The following EXOSC5 variants were observed in gnomAD, a reference collection of about 807,000 sequenced individuals.
EXOSC5 encodes the protein exosome component 5.
Under a neutral mutation model 23.7 loss-of-function variants are expected in EXOSC5, and 15 were observed. The observed-to-expected ratio is 0.63, with a 90% CI of 0.42 to 0.97. The LOEUF (loss-of-function observed/expected upper bound fraction) is 0.97, where lower values mean the gene tolerates loss of function less well. Among genes scored for constraint, EXOSC5 ranks in the 50% least tolerant of loss-of-function variants. The pLI, the probability that EXOSC5 is intolerant of heterozygous loss-of-function variation, is 0.00. For synonymous variants in EXOSC5, 143 were observed against 140.9 expected (o/e 1.02, Z -0.11); for missense variants, 305 against 316.3 (o/e 0.96, Z 0.27).
intron 1 of EXOSC5, among the ~76,000 whole-genome samples, chr19:41,395,457 T>A (rs1431532198): frequency 2.0e-5 from 3 of 152,184 alleles, no homozygotes; most frequent in African/African-American, 4.8e-5. Context: ...GCCCCACTTA[T>A]CTGATCCTCT....
intron 2 of EXOSC5, among the ~76,000 whole-genome samples, chr19:41,392,407 C>A (rs888389776): frequency 1.3e-5 from 2 of 151,966 alleles, no homozygotes; most frequent in Non-Finnish European, 2.9e-5. Flanking sequence ...CATGGTGAAA[C>A]CCCATCTCTA....
chr19:41,388,156 C>T (rs983615836), intron 4 of EXOSC5, among the ~76,000 whole-genome samples: 2 of 152,226 alleles, frequency 1.3e-5, no homozygotes, highest in African/African-American at 4.8e-5. Context: ...TACTCCATGC[C>T]CCTTATTCCA....
At chr19:41,386,778 G>A (rs878868792) in intron 5 of EXOSC5, 53 bp from the exon 6 acceptor site, 12 of 1,496,888 alleles carry the variant, frequency 8.0e-6, no homozygotes, top group African/African-American at 2.8e-5. Flanking sequence ...ATGCACACAC[G>A]ACTTGGCTGA....
At chr19:41,396,791 T>C (rs2039069526) in intron 1 of EXOSC5, among the ~76,000 whole-genome samples, 1 of 129,578 alleles carries the variant, frequency 7.7e-6, no homozygotes, top group East Asian at 2.3e-4. Context: ...AGTATGCAAA[T>C]AGACAGGTTT....
chr19:41,394,283 CAGG>C (rs1170741152), intron 1 of EXOSC5, among the ~76,000 whole-genome samples: 3 of 151,846 alleles, frequency 2.0e-5, no homozygotes, highest in East Asian at 3.9e-4. Context: ...GAGGCCGACG[CAGG>C]AGAATTGCTG....
At chr19:41,397,117 G>T in intron 1 of EXOSC5, 64 bp downstream of exon 1, 1 of 1,532,752 alleles carries the variant, frequency 6.5e-7, no homozygotes. Context: ...TGAGGAGGTG[G>T]GCACTCGGTT....
At chr19:41,393,014 C>T (rs1163119538) in intron 1 of EXOSC5, 34 bp from the exon 2 acceptor site, 2 of 1,596,372 alleles carry the variant, frequency 1.3e-6, no homozygotes, top group Non-Finnish European at 8.6e-7. Context: ...TCACTCACAG[C>T]TTCCCTGCTC....
chr19:41,396,607 T>C (rs1024342856), intron 1 of EXOSC5, among the ~76,000 whole-genome samples: 1 of 137,704 alleles, frequency 7.3e-6, no homozygotes, highest in African/African-American at 2.9e-5. Flanking sequence ...TAGGTAAGAC[T>C]TGCCCTAATC....
At chr19:41,388,958 T>C (rs1430371439) in intron 4 of EXOSC5, among the ~76,000 whole-genome samples, 1 of 152,200 alleles carries the variant, frequency 6.6e-6, no homozygotes, top group Non-Finnish European at 1.5e-5. Flanking sequence ...TTTTATTTTA[T>C]TTTATTTTTG....
Position 41,386,587 on chromosome 19 carries a change from G to T in EXOSC5, c.*46C>A. On this transcript the variant is annotated 3_prime_UTR_variant, in exon 6 of 6. Coordinates refer to ENST00000221233, the MANE Select transcript of EXOSC5 (RefSeq NM_020158.4). Reference sequence around the variant, plus strand: ...GCTGGTTTGCTTCAGGCTGTAGGGGGTGAGTGGGTGGAGGCAATGGGAGCG... The same window carrying T: ...GCTGGTTTGCTTCAGGCTGTAGGGGTTGAGTGGGTGGAGGCAATGGGAGCG... 5 of 1,537,192 alleles carry T rather than the reference G, an allele frequency of 3.3e-6. No homozygotes were observed. The highest frequency in any genetic ancestry group is 4.4e-6 in the Non-Finnish European group (5 of 1,135,436).
rs763874539 is a variant in EXOSC5, at chr19:41,397,324, T to C, written c.5A>G (p.Glu2Gly). Residue 2 changes from glutamate to glycine, a missense_variant, in exon 1 of 6, where the codon GAG becomes GGG. Coordinates refer to ENST00000221233, the MANE Select transcript of EXOSC5 (RefSeq NM_020158.4). ...TTTGGCGTCAGTATGCGTCTCCTCC[T>C]CCATCGCGCCGAGCCCACGTGCGGC... M[E>G]EETHTDAKIR... is the part of the protein sequence containing the mutation. 12 of 1,610,886 alleles carry C rather than the reference T, an allele frequency of 7.4e-6. No individual in the cohort carries two copies. The East Asian group carries it at 2.7e-4, about 36-fold the overall frequency.
In EXOSC5 at chr19:41,397,291, G is replaced by C. The variant is rs772326120; in HGVS notation, c.38C>G (p.Ala13Gly). The change falls in exon 1 of 6, where the codon GCT becomes GGT. Residue 13 changes from alanine (A) to glycine (G), a missense_variant. Transcript: ENST00000221233. ...EETHTDAKIR[A>G]ENGTGSSPRG... ...AGGGCTGGACCCTGTTCCATTTTCA[G>C]CACGGATTTTGGCGTCAGTATGCGT... 6.2e-7 allele frequency: 1 copy of C among 1,613,856 alleles called. No homozygotes were observed. The highest frequency in any genetic ancestry group is 1.7e-5 in the Admixed American group (1 of 60,004).
intron 2 of EXOSC5, among the ~76,000 whole-genome samples, 174 bp downstream of exon 2, chr19:41,392,693 G>A (rs999740240): frequency 1.4e-4 from 21 of 152,272 alleles, no homozygotes; most frequent in African/African-American, 3.8e-4. Flanking sequence ...ATTAGAGGCA[G>A]AGAGAGAAGC....
Position 41,386,418 on chromosome 19 carries a change from G to T in EXOSC5, c.*215C>A. 1.9e-6 allele frequency: 1 copy of T among 524,376 alleles called. No homozygotes were observed. The highest frequency in any genetic ancestry group is 3.1e-5 in the East Asian group (1 of 32,668). The allele number at this position is 524,376 out of a possible 1,614,324, so 32.5% of individuals were successfully genotyped here. ...TGATTCATCCATTCCATAAATGTGA[G>T]CTCCTTTGAATGTTATCCTTGCTGG... On this transcript the variant is annotated 3_prime_UTR_variant, in exon 6 of 6. Transcript: ENST00000221233.
At chr19:41,389,021 C>T (rs1327500939) in intron 4 of EXOSC5, among the ~76,000 whole-genome samples, 1 of 152,242 alleles carries the variant, frequency 6.6e-6, no homozygotes, top group East Asian at 1.9e-4. Context: ...TCTCAGCTCA[C>T]TGTAACCTCC....
rs181920640 is a variant in EXOSC5, at chr19:41,395,179, C to T, written c.148+2002G>A. Among the ~76,000 whole-genome samples the T allele has an allele frequency of 4.2e-3, 635 of 152,236 alleles. 6 individuals carry two copies. Among genetic ancestry groups the T allele is most frequent in the African/African-American group, 0.011 (450 of 41,532 alleles). ...TTTAGGTATCTCAATTCAGCATAAGCGCTAAGCCTGAGGGAGGGCCTGGGA... is the reference window on the plus strand; with the variant it reads ...TTTAGGTATCTCAATTCAGCATAAGTGCTAAGCCTGAGGGAGGGCCTGGGA... On this transcript the variant is annotated intron_variant, in intron 1 of 5. Coordinates refer to ENST00000221233, the MANE Select transcript of EXOSC5 (RefSeq NM_020158.4).
At chr19:41,396,756 G>A (rs2123229692) in intron 1 of EXOSC5, among the ~76,000 whole-genome samples, 1 of 149,826 alleles carries the variant, frequency 6.7e-6, no homozygotes, top group East Asian at 2.0e-4. Context: ...GTATTTACGT[G>A]GGTGAAAGAT....
intron 3 of EXOSC5, among the ~76,000 whole-genome samples, chr19:41,390,591 G>A (rs1242493619): frequency 3.3e-5 from 5 of 152,218 alleles, no homozygotes; most frequent in African/African-American, 7.2e-5. Context: ...AGCCAGGCCC[G>A]AAACTTGGGT....
chr19:41,386,729 CG>C lies in EXOSC5; in HGVS notation c.616-5del. On this transcript the variant is annotated splice_region_variant and splice_polypyrimidine_tract_variant and intron_variant, in intron 5 of 5. Coordinates refer to ENST00000221233, the MANE Select transcript of EXOSC5 (RefSeq NM_020158.4). ...CCGCAGCCAGGCACTGCTGGAGCTG[CG>C]GGGGAGAGACTGGTCGGTGCTGGGG... 2 of 1,582,324 alleles carry C rather than the reference CG, an allele frequency of 1.3e-6. No homozygotes were observed.
Sources: allele counts gnomAD v4.1 joint callset (sites outside exome capture counted in the v4.1 genomes callset), GRCh38; gene constraint gnomAD v4.1.1; transcripts MANE v1.5; gene names NCBI Gene and HGNC (gene_info 2026-07-23, HGNC 2026-07-21).